NEK6: variants seen among roughly 807,000 people sequenced by gnomAD.
NEK6 encodes serine/threonine-protein kinase Nek6.
Under a neutral mutation model 43.5 loss-of-function variants are expected in NEK6, and 27 were observed. The ratio of observed to expected loss-of-function variants is 0.62; its 90% CI spans 0.46 to 0.86. NEK6 has a LOEUF of 0.86. NEK6 is among the 40% of genes least tolerant of loss of function. NEK6 has a pLI of 0.00. For synonymous variants in NEK6, 167 were observed against 164.1 expected (o/e 1.02, Z -0.14); for missense variants, 318 against 414.4 (o/e 0.77, Z 2.02).
chr9:124,279,375 C>T (rs1402546151), intron 1 of NEK6, among the ~76,000 whole-genome samples: 1 of 150,616 alleles, frequency 6.6e-6, no homozygotes, highest in Non-Finnish European at 1.5e-5. Flanking sequence ...GATCTCGGCT[C>T]ACTGCAACCT....
chr9:124,272,893 A>G (rs1831505496), intron 1 of NEK6, among the ~76,000 whole-genome samples: 1 of 152,174 alleles, frequency 6.6e-6, no homozygotes, highest in Non-Finnish European at 1.5e-5. Flanking sequence ...CTTCCAGACC[A>G]CACTATCGGA....
intron 7 of NEK6, 79 bp from the exon 8 acceptor site, chr9:124,339,492 C>G: frequency 1.0e-6 from 1 of 979,494 alleles, no homozygotes; most frequent in Non-Finnish European, 1.6e-6. Flanking sequence ...TCCCGTGTGC[C>G]CTCCCTCCAA....
At chr9:124,273,304 T>C (rs2118933410) in intron 1 of NEK6, among the ~76,000 whole-genome samples, 1 of 152,332 alleles carries the variant, frequency 6.6e-6, no homozygotes, top group Middle Eastern at 3.4e-3. Context: ...CCCAACATCC[T>C]GCATTTGGAT....
chr9:124,257,621 G>A (rs369922367), upstream of NEK6: 4 of 1,490,062 alleles, frequency 2.7e-6, no homozygotes. Context: ...GCTAGGCGAT[G>A]GGGAATCCGA....
intron 1 of NEK6, among the ~76,000 whole-genome samples, chr9:124,272,123 C>T (rs954776342): frequency 1.3e-5 from 2 of 152,192 alleles, no homozygotes; most frequent in African/African-American, 4.8e-5. Flanking sequence ...CCAGAAGAGG[C>T]CTTTGATACT....
At position 124,347,440 on chromosome 9, in the gene NEK6, G is replaced by A. The variant is rs979816553; in HGVS notation, c.718-269G>A. On this transcript the variant is annotated intron_variant, in intron 8 of 9. Coordinates refer to ENST00000320246, the MANE Select transcript of NEK6 (RefSeq NM_014397.6). ...AGCAAGGTGGGAATTAGCTTGCAGC[G>A]TCCAGCTGCCCTTCTTTATTGCCTT... Among the ~76,000 whole-genome samples, 27 of 152,362 alleles carry A rather than the reference G, an allele frequency of 1.8e-4. 3 individuals are homozygous for A. The highest frequency in any genetic ancestry group is 9.8e-4 in the Admixed American group (15 of 15,308).
chr9:124,320,084 G>A (rs1343659622), intron 4 of NEK6, among the ~76,000 whole-genome samples: 2 of 152,244 alleles, frequency 1.3e-5, no homozygotes, highest in Non-Finnish European at 2.9e-5. Flanking sequence ...TGTGCAGGGT[G>A]CCTGGTTCCT....
Position 124,343,295 on chromosome 9 carries a change from C to T in NEK6, c.717+3630C>T, listed in dbSNP as rs1176362795. Among the ~76,000 whole-genome samples the T allele has an allele frequency of 1.4e-5, 2 of 141,222 alleles. No individual in the cohort carries two copies. Among genetic ancestry groups the T allele is most frequent in the Non-Finnish European group, 3.1e-5 (2 of 65,058 alleles). The allele number at this position is 141,222 out of a possible 152,430, so 92.6% of individuals were successfully genotyped here. On this transcript the variant is annotated intron_variant, in intron 8 of 9. Transcript: ENST00000320246. This position sits in a 1 kb window ranked among gnomAD's most constrained non-coding sequence, Gnocchi z 5.1. Reference sequence around the variant, plus strand: ...GGGATGGATCGCAGCTGGGGAGGTACCGATCGCAGCGAGGGGTGGTGTGGG... The same window carrying T: ...GGGATGGATCGCAGCTGGGGAGGTATCGATCGCAGCGAGGGGTGGTGTGGG...
chr9:124,288,982 T>C (rs1224411722), intron 1 of NEK6, among the ~76,000 whole-genome samples: 1 of 152,062 alleles, frequency 6.6e-6, no homozygotes, highest in African/African-American at 2.4e-5. Flanking sequence ...GGTTGGTGTT[T>C]CGTTTTTTGT....
chr9:124,305,562 A>AC, intron 2 of NEK6, among the ~76,000 whole-genome samples: 1 of 151,856 alleles, frequency 6.6e-6, no homozygotes, highest in South Asian at 2.1e-4. Context: ...TCAAAAAAAA[A>AC]AAAAAAAGAA....
intron 1 of NEK6, among the ~76,000 whole-genome samples, chr9:124,284,244 G>A (rs1251158880): frequency 6.6e-6 from 1 of 152,244 alleles, no homozygotes; most frequent in African/African-American, 2.4e-5. Context: ...AGCTACTTGG[G>A]AGGCTGAGAC....
In NEK6 at chr9:124,351,531, CAG is replaced by C. The variant is rs1830273838; in HGVS notation, c.*587_*588del. The C allele has an allele frequency of 6.6e-6, 1 of 152,254 alleles. No homozygotes were observed. Among genetic ancestry groups the C allele is most frequent in the Non-Finnish European group, 1.5e-5 (1 of 68,122 alleles). 9.4% of individuals were successfully genotyped at this position (152,254 alleles called of 1,614,324 possible). On this transcript the variant is annotated 3_prime_UTR_variant, in exon 10 of 10. Coordinates refer to ENST00000320246, the MANE Select transcript of NEK6 (RefSeq NM_014397.6). ...TGACGATGAGAGCCCTGCACCTGGC[CAG>C]AGTGTCACAGGCAAAAGGCATCGGG...
At chr9:124,305,305 A>G (rs1275157544) in intron 2 of NEK6, among the ~76,000 whole-genome samples, 1 of 152,234 alleles carries the variant, frequency 6.6e-6, no homozygotes, top group East Asian at 1.9e-4. Context: ...CTGTAATCCC[A>G]GCACTTCGGG....
chr9:124,347,885 G>T (rs771025719), intron 9 of NEK6, 63 bp downstream of exon 9: 2 of 934,896 alleles, frequency 2.1e-6, no homozygotes, highest in African/African-American at 1.6e-5. Context: ...TATGAGGGCC[G>T]CTCCAAAACA....
chr9:124,314,437 C>A (rs1833710809), intron 4 of NEK6, among the ~76,000 whole-genome samples: 1 of 151,250 alleles, frequency 6.6e-6, no homozygotes, highest in Admixed American at 6.6e-5. Flanking sequence ...CTCTTTCCAT[C>A]TCTCCTCTCA....
intron 1 of NEK6, among the ~76,000 whole-genome samples, chr9:124,273,804 G>A (rs940108864): frequency 2.0e-5 from 3 of 152,150 alleles, no homozygotes; most frequent in South Asian, 2.1e-4. Flanking sequence ...TCCCATTTAC[G>A]GGTTTTTTTG....
rs537563714 is a variant in NEK6 at position 124,343,266 on chromosome 9, A to T, written c.717+3601A>T. Among the ~76,000 whole-genome samples, 1 of 82,632 alleles carries T rather than the reference A, an allele frequency of 1.2e-5. No individual in the cohort carries two copies. The highest frequency in any genetic ancestry group is 1.5e-4 in the Admixed American group (1 of 6,482). 54.2% of individuals were successfully genotyped at this position (82,632 alleles called of 152,430 possible). Reference sequence around the variant, plus strand: ...GGACGGATCGCAGCCGGGGGGTGGTACGGGGGATGGATCGCAGCTGGGGAG... The same window carrying T: ...GGACGGATCGCAGCCGGGGGGTGGTTCGGGGGATGGATCGCAGCTGGGGAG... On this transcript the variant is annotated intron_variant, in intron 8 of 9. Coordinates refer to ENST00000320246, the MANE Select transcript of NEK6 (RefSeq NM_014397.6). The surrounding 1 kb of genome is among the most constrained non-coding windows in gnomAD (Gnocchi z 5.1).
chr9:124,290,918 T>A (rs1274491288), intron 1 of NEK6, among the ~76,000 whole-genome samples: 1 of 152,236 alleles, frequency 6.6e-6, no homozygotes, highest in African/African-American at 2.4e-5. Context: ...GGCCTGCTCC[T>A]GGGGACCTGT....
intron 7 of NEK6, among the ~76,000 whole-genome samples, chr9:124,333,857 A>AACCTTC (rs1168145527): frequency 6.8e-6 from 1 of 147,570 alleles, no homozygotes; most frequent in East Asian, 2.0e-4. Flanking sequence ...GGCTCACTAC[A>AACCTTC]ACCTTCACCT....
Sources: gnomAD v4.1 joint callset for allele counts (sites outside exome capture counted in the v4.1 genomes callset) on GRCh38, gnomAD v4.1.1 for gene constraint, Gnocchi (gnomAD v3.1) non-coding constraint, MANE v1.5 for transcripts, NCBI Gene and HGNC (gene_info 2026-07-23, HGNC 2026-07-21) for gene names.